Variants in UNC13B observed in about 807,000 individuals in gnomAD.
The protein encoded by UNC13B is protein unc-13 homolog B.
A neutral mutation model predicts 211.0 loss-of-function variants in UNC13B; 144 were observed. That is an observed-to-expected ratio of 0.68 (90% confidence interval 0.60 to 0.78). UNC13B has a LOEUF of 0.78. UNC13B is among the 30% of genes least tolerant of loss of function. The pLI, the probability that UNC13B is intolerant of heterozygous loss-of-function variation, is 0.00. For missense variants in UNC13B, 1,777 were observed against 2,002.0 expected (o/e 0.89, Z 2.14); for synonymous variants, 709 against 725.8 (o/e 0.98, Z 0.37).
chr9:35,396,530 A>G lies in UNC13B; in HGVS notation c.11363A>G (p.Lys3788Arg). Residue 3788 changes from lysine (K) to arginine (R), a missense_variant, in exon 27 of 40, where the codon AAG becomes AGG. Lys to Arg is a conservative substitution (Grantham distance 26). Coordinates refer to ENST00000635942, the MANE Select transcript of UNC13B (RefSeq NM_001371189.2). ...GCTGACTACATGAACCTGCACTTCA[A>G]GGTGAAGTGGCTCCACAATGAATAC... ...KSADYMNLHF[K>R]VKWLHNEYVR... 2 of 1,614,174 alleles carry G rather than the reference A, an allele frequency of 1.2e-6. No individual in the cohort carries two copies. The highest frequency in any genetic ancestry group is 1.7e-6 in the Non-Finnish European group (2 of 1,180,036).
intron 4 of UNC13B, among the ~76,000 whole-genome samples, chr9:35,237,288 C>T (rs959013093): frequency 7.9e-5 from 12 of 152,118 alleles, no homozygotes; most frequent in African/African-American, 2.7e-4. Context: ...CTAGCTAAGT[C>T]TCTACTCCCC....
chr9:35,223,254 T>C (rs1004690164), intron 1 of UNC13B, among the ~76,000 whole-genome samples: 8 of 152,320 alleles, frequency 5.3e-5, no homozygotes, highest in South Asian at 2.1e-4. Context: ...TTTTTGGTTT[T>C]TTGGGAAACC....
chr9:35,367,856 G>A (rs779216937), intron 12 of UNC13B, among the ~76,000 whole-genome samples: 1 of 152,130 alleles, frequency 6.6e-6, no homozygotes, highest in Non-Finnish European at 1.5e-5. Context: ...GAGAGTTCAA[G>A]TACCTTCTCA....
chr9:35,371,419 ATCC>A (rs1257364108), intron 13 of UNC13B, among the ~76,000 whole-genome samples: 1 of 147,918 alleles, frequency 6.8e-6, no homozygotes, highest in African/African-American at 2.5e-5. Flanking sequence ...GGCTCAAGTG[ATCC>A]TCCTGCCTCA....
chr9:35,389,224 A>T (rs1835372153), intron 24 of UNC13B, among the ~76,000 whole-genome samples: 1 of 152,074 alleles, frequency 6.6e-6, no homozygotes, highest in Non-Finnish European at 1.5e-5. Context: ...TCACCATTGT[A>T]TTCCCTTGCC....
chr9:35,241,933 G>A (rs1825835830), intron 5 of UNC13B, among the ~76,000 whole-genome samples: 1 of 152,128 alleles, frequency 6.6e-6, no homozygotes, highest in Admixed American at 6.6e-5. Flanking sequence ...TGAAGTTTTG[G>A]ACAGGTGGAA....
chr9:35,181,070 C>T (rs1821913322), intron 1 of UNC13B, among the ~76,000 whole-genome samples: 1 of 152,120 alleles, frequency 6.6e-6, no homozygotes, highest in Non-Finnish European at 1.5e-5. Context: ...TGCACTCCAG[C>T]CTGGGCAACA....
At chr9:35,179,922 G>T (rs1306232199) in intron 1 of UNC13B, among the ~76,000 whole-genome samples, 2 of 152,242 alleles carry the variant, frequency 1.3e-5, no homozygotes, top group African/African-American at 4.8e-5. Flanking sequence ...TAGACTGTAA[G>T]AGTCAGTTGC....
At chr9:35,372,227 G>A (rs1411860808) in intron 13 of UNC13B, among the ~76,000 whole-genome samples, 2 of 152,170 alleles carry the variant, frequency 1.3e-5, no homozygotes, top group African/African-American at 2.4e-5. Flanking sequence ...AGCTGAGATC[G>A]CACCACTGCA....
chr9:35,196,530 T>C (rs956492777), intron 1 of UNC13B, among the ~76,000 whole-genome samples: 3 of 152,248 alleles, frequency 2.0e-5, no homozygotes, highest in Non-Finnish European at 4.4e-5. Flanking sequence ...CTGCCTTTAC[T>C]TGTAAAGATC....
intron 1 of UNC13B, among the ~76,000 whole-genome samples, chr9:35,195,252 A>G (rs552119233): frequency 6.6e-6 from 1 of 152,300 alleles, no homozygotes; most frequent in South Asian, 2.1e-4. Flanking sequence ...TTGTTAGAAA[A>G]TGATTTGGGG....
chr9:35,220,680 CT>C (rs1824520587), intron 1 of UNC13B, among the ~76,000 whole-genome samples: 1 of 152,120 alleles, frequency 6.6e-6, no homozygotes, highest in Non-Finnish European at 1.5e-5. Flanking sequence ...ATGATGAACA[CT>C]TAAGTTGCTT....
intron 10 of UNC13B, among the ~76,000 whole-genome samples, chr9:35,312,516 A>C (rs1434806852): frequency 6.6e-6 from 1 of 152,216 alleles, no homozygotes; most frequent in African/African-American, 2.4e-5. Flanking sequence ...GTGGAGAAGC[A>C]GAAGTGCCCA....
intron 11 of UNC13B, chr9:35,352,763 T>A (rs1832797674): frequency 8.1e-7 from 1 of 1,232,042 alleles, no homozygotes; most frequent in African/African-American, 1.6e-5. Context: ...TGATGAACTG[T>A]CAGAGAAAAA....
At chr9:35,334,406 A>G (rs942075808) in intron 11 of UNC13B, among the ~76,000 whole-genome samples, 1 of 152,172 alleles carries the variant, frequency 6.6e-6, no homozygotes, top group African/African-American at 2.4e-5. Context: ...TCTGCTAAAG[A>G]CGTCTTTTGG....
chr9:35,315,964 T>C (rs978610546), intron 11 of UNC13B, among the ~76,000 whole-genome samples: 1 of 152,220 alleles, frequency 6.6e-6, no homozygotes. Flanking sequence ...GATGTCAACA[T>C]GTCCTACCAT....
chr9:35,278,800 A>G (rs1337062933), intron 7 of UNC13B, among the ~76,000 whole-genome samples: 1 of 152,170 alleles, frequency 6.6e-6, no homozygotes, highest in African/African-American at 2.4e-5. Context: ...TATGAAAAAC[A>G]GCTTTTTTTC....
chr9:35,312,997 G>A (rs1362672609), intron 10 of UNC13B, among the ~76,000 whole-genome samples: 1 of 152,168 alleles, frequency 6.6e-6, no homozygotes, highest in African/African-American at 2.4e-5. Context: ...AGCAGGAAGG[G>A]TTTGCAGGAA....
intron 7 of UNC13B, among the ~76,000 whole-genome samples, chr9:35,286,385 A>G (rs1307080277): frequency 6.6e-6 from 1 of 151,862 alleles, no homozygotes; most frequent in Non-Finnish European, 1.5e-5. Flanking sequence ...GGTGCCTGCC[A>G]CCATGCTTGG....
Sources: allele counts gnomAD v4.1 joint callset (sites outside exome capture counted in the v4.1 genomes callset), GRCh38; gene constraint gnomAD v4.1.1; transcripts MANE v1.5; gene names NCBI Gene and HGNC (gene_info 2026-07-23, HGNC 2026-07-21).